RORA: variants seen among roughly 807,000 people sequenced by gnomAD.
RORA encodes RAR related orphan receptor A, also known as nuclear receptor ROR-alpha.
Under a neutral mutation model 69.5 loss-of-function variants are expected in RORA, and 7 were observed. The ratio of observed to expected loss-of-function variants is 0.10; its 90% CI spans 0.06 to 0.19. RORA has a LOEUF of 0.19. RORA is among the 10% of genes least tolerant of loss of function. RORA has a pLI of 1.00. For synonymous variants in RORA, 261 were observed against 240.8 expected, an observed-to-expected ratio of 1.08 and a Z score of -0.78; for missense variants, 457 against 663.0, an observed-to-expected ratio of 0.69 and a Z score of 3.41.
chr15:60,965,071 G>GATT (rs1893516031), intron 1 of RORA, among the ~76,000 whole-genome samples: 1 of 152,138 alleles, frequency 6.6e-6, no homozygotes, highest in Non-Finnish European at 1.5e-5. Flanking sequence ...ACCAGGCATA[G>GATT]ATTAGGTTCT....
At chr15:61,221,438 C>CA (rs897721831) in intron 1 of RORA, among the ~76,000 whole-genome samples, 1 of 152,062 alleles carries the variant, frequency 6.6e-6, no homozygotes, top group South Asian at 2.1e-4. Flanking sequence ...TTTGCTTATA[C>CA]AAAAAAGTCA....
intron 1 of RORA, among the ~76,000 whole-genome samples, chr15:61,090,742 A>C (rs1030118171): frequency 1.3e-5 from 2 of 152,136 alleles, no homozygotes; most frequent in Admixed American, 6.5e-5. Context: ...TGAGAATCCC[A>C]AATCTCTCCC....
chr15:60,960,721 G>C (rs1181733932), intron 1 of RORA, among the ~76,000 whole-genome samples: 1 of 150,268 alleles, frequency 6.7e-6, no homozygotes, highest in African/African-American at 2.5e-5. Flanking sequence ...TGACTTCTAC[G>C]GGCCTCCAAA....
intron 1 of RORA, among the ~76,000 whole-genome samples, chr15:60,755,204 A>G (rs1218755379): frequency 1.5e-5 from 2 of 132,642 alleles, no homozygotes; most frequent in African/African-American, 5.8e-5. Context: ...CTCATTGTTC[A>G]ATTCCCACCT....
intron 1 of RORA, among the ~76,000 whole-genome samples, chr15:60,801,163 T>C (rs147230044): frequency 2.0e-5 from 3 of 152,300 alleles, no homozygotes; most frequent in East Asian, 3.9e-4. Context: ...TATTGAAGCA[T>C]TTAATCACCT....
In RORA at chr15:60,854,155, G is replaced by T. The variant is rs2073356239; in HGVS notation, c.167-175469C>A. ...TGCGCATCTGTAGGCCCAGCTACTT[G>T]GGAGGCTGAGGCTGGAGAATCGCTT... is the stretch of plus-strand genomic sequence containing the variant. On this transcript the variant is annotated intron_variant, in intron 1 of 10. Transcript: ENST00000335670. Among the ~76,000 whole-genome samples, 2 of 152,082 alleles carry T rather than the reference G, an allele frequency of 1.3e-5. 1 individual carries two copies. The highest frequency in any genetic ancestry group is 4.2e-4 in the South Asian group (2 of 4,812).
chr15:61,174,007 T>C (rs1000454192), intron 1 of RORA, among the ~76,000 whole-genome samples: 1 of 152,198 alleles, frequency 6.6e-6, no homozygotes, highest in African/African-American at 2.4e-5. Context: ...AGGAGACCTT[T>C]ATTGGCAGAA....
intron 1 of RORA, among the ~76,000 whole-genome samples, chr15:60,999,686 C>T (rs1189567279): frequency 6.6e-6 from 1 of 152,124 alleles, no homozygotes; most frequent in East Asian, 1.9e-4. Context: ...TCAGCCTTCA[C>T]GAGGACCCAG....
At chr15:60,785,110 A>G (rs190649429) in intron 1 of RORA, among the ~76,000 whole-genome samples, 2 of 152,374 alleles carry the variant, frequency 1.3e-5, no homozygotes, top group East Asian at 3.9e-4. Flanking sequence ...GTGTTTGACA[A>G]GATAACCTGT....
At chr15:60,597,910 G>A (rs150170538) in intron 2 of RORA, among the ~76,000 whole-genome samples, 7 of 151,578 alleles carry the variant, frequency 4.6e-5, no homozygotes, top group East Asian at 3.9e-4. Context: ...ATGCTGTGCC[G>A]TATCTGCTTA....
At chr15:60,536,616 A>G (rs1245694700) in intron 2 of RORA, among the ~76,000 whole-genome samples, 5 of 152,282 alleles carry the variant, frequency 3.3e-5, no homozygotes, top group Admixed American at 3.3e-4. Flanking sequence ...CTAAACTAAT[A>G]TAGACCCAAG....
intron 1 of RORA, among the ~76,000 whole-genome samples, chr15:61,101,519 C>T (rs960812551): frequency 1.3e-5 from 2 of 152,044 alleles, no homozygotes; most frequent in Admixed American, 6.6e-5. Flanking sequence ...AATTCAGCAG[C>T]AGGAAGGGTA....
At chr15:60,719,875 A>G (rs559632083) in intron 1 of RORA, among the ~76,000 whole-genome samples, 6 of 152,266 alleles carry the variant, frequency 3.9e-5, no homozygotes, top group Admixed American at 3.9e-4. Flanking sequence ...TTCACAGGTA[A>G]ACATGTTGTG....
chr15:61,113,654 T>G (rs1418371277), intron 1 of RORA, among the ~76,000 whole-genome samples: 1 of 152,186 alleles, frequency 6.6e-6, no homozygotes, highest in Non-Finnish European at 1.5e-5. Context: ...TTCCTGAGCC[T>G]GTTTTTTTAA....
chr15:60,771,900 A>T (rs2072082391), intron 1 of RORA, among the ~76,000 whole-genome samples: 1 of 152,204 alleles, frequency 6.6e-6, no homozygotes, highest in Non-Finnish European at 1.5e-5. Context: ...CAGTGCATTT[A>T]GTGATGAGGC....
chr15:60,746,917 C>T (rs2140855972), intron 1 of RORA, among the ~76,000 whole-genome samples: 1 of 152,276 alleles, frequency 6.6e-6, no homozygotes, highest in Non-Finnish European at 1.5e-5. Context: ...GAGTCGAATT[C>T]CATATCAAAT....
chr15:60,866,989 C>G (rs1293275501), intron 1 of RORA, among the ~76,000 whole-genome samples: 1 of 152,060 alleles, frequency 6.6e-6, no homozygotes, highest in Non-Finnish European at 1.5e-5. Context: ...CCTCAGCCTC[C>G]CGGGTAGCTG....
intron 1 of RORA, among the ~76,000 whole-genome samples, chr15:61,060,047 A>G (rs943010978): frequency 6.7e-6 from 1 of 149,260 alleles, no homozygotes; most frequent in African/African-American, 2.5e-5. Flanking sequence ...GAAGAAGAAG[A>G]AGAAAGCCTT....
chr15:61,132,777 T>C (rs892612256), intron 1 of RORA, among the ~76,000 whole-genome samples: 1 of 152,242 alleles, frequency 6.6e-6, no homozygotes, highest in African/African-American at 2.4e-5. Context: ...TAAACTATAC[T>C]GCTGGCAGGG....
Sources: gnomAD v4.1 joint callset for allele counts (sites outside exome capture counted in the v4.1 genomes callset) on GRCh38, gnomAD v4.1.1 for gene constraint, MANE v1.5 for transcripts, NCBI Gene and HGNC (gene_info 2026-07-23, HGNC 2026-07-21) for gene names.